Variants in HSD17B12 observed in about 807,000 individuals in gnomAD.
The protein encoded by HSD17B12 is very-long-chain 3-oxoacyl-CoA reductase.
Under a neutral mutation model 39.3 loss-of-function variants are expected in HSD17B12, and 32 were observed. That is an observed-to-expected ratio of 0.81 (90% CI 0.61 to 1.09). The LOEUF is 1.09. HSD17B12 is among the 50% of genes least tolerant of loss of function. The probability of loss-of-function intolerance (pLI) is 0.00; values close to 1 mark genes in which losing one functional copy is unlikely to be tolerated. For synonymous variants in HSD17B12, 150 were observed against 146.7 expected (o/e 1.02, Z -0.16); for missense variants, 342 against 382.9 (o/e 0.89, Z 0.89).
At chr11:43,563,300 G>T in the HSD17B12 span, among the ~76,000 whole-genome samples, 2 of 152,212 alleles carry the variant, frequency 1.3e-5, no homozygotes, top group African/African-American at 4.8e-5. Flanking sequence ...GCTTTTAAAA[G>T]TCCACATTCT....
At chr11:43,716,128 A>T (rs1268921661) in intron 1 of HSD17B12, among the ~76,000 whole-genome samples, 1 of 152,252 alleles carries the variant, frequency 6.6e-6, no homozygotes, top group Admixed American at 6.5e-5. Context: ...CTGACTTTTT[A>T]ACAAACCCGT....
intron 1 of HSD17B12, among the ~76,000 whole-genome samples, chr11:43,706,900 T>C (rs1447766752): frequency 6.6e-6 from 1 of 152,160 alleles, no homozygotes; most frequent in African/African-American, 2.4e-5. Context: ...GGAAAGCTAT[T>C]ATTACAGGTT....
intron 1 of HSD17B12, among the ~76,000 whole-genome samples, chr11:43,683,288 A>T (rs1432757863): frequency 6.6e-6 from 1 of 152,144 alleles, no homozygotes; most frequent in Non-Finnish European, 1.5e-5. Flanking sequence ...GTATTTGTGT[A>T]AGATTTAGAT....
chr11:43,774,137 G>A (rs978204190), intron 3 of HSD17B12, among the ~76,000 whole-genome samples: 3 of 152,126 alleles, frequency 2.0e-5, no homozygotes, highest in Non-Finnish European at 2.9e-5. Flanking sequence ...ACGCTGTAGG[G>A]CAAGCTCAGG....
intron 2 of HSD17B12, among the ~76,000 whole-genome samples, chr11:43,753,537 T>G (rs1161810170): frequency 6.7e-6 from 1 of 150,224 alleles, no homozygotes; most frequent in African/African-American, 2.4e-5. Flanking sequence ...TACAGGCATG[T>G]GCCACCACAC....
rs749103539 is a variant in HSD17B12, at chr11:43,815,474, C to T, written c.429C>T (p.Tyr143=). The change falls in exon 5 of 11, where the codon TAC becomes TAT. Residue 143 remains tyrosine (Y), a synonymous_variant. Transcript: ENST00000278353. The part of the protein sequence containing the change: ...NVGMSYEYPE[Y]FLDVPDLDNV... ...GAATGTCGTATGAGTATCCTGAATA[C>T]TTTTTGGATGTTCCTGACTTGGACA... 2 of 1,580,408 alleles carry T rather than the reference C, an allele frequency of 1.3e-6. No individual in the cohort carries two copies. Among genetic ancestry groups the T allele is most frequent in the Non-Finnish European group, 1.7e-6 (2 of 1,156,498 alleles).
intron 3 of HSD17B12, among the ~76,000 whole-genome samples, chr11:43,764,096 T>C (rs763603928): frequency 3.9e-5 from 6 of 152,130 alleles, no homozygotes; most frequent in Non-Finnish European, 1.5e-5. Flanking sequence ...ATTTTTAAAA[T>C]TAAAGTTATC....
the HSD17B12 span, among the ~76,000 whole-genome samples, chr11:43,573,573 CT>C: frequency 6.6e-6 from 1 of 152,172 alleles, no homozygotes; most frequent in African/African-American, 2.4e-5. Flanking sequence ...CGCTACCTTA[CT>C]TGTTAGGACT....
At chr11:43,750,361 G>C (rs1297234996) in intron 1 of HSD17B12, among the ~76,000 whole-genome samples, 2 of 151,984 alleles carry the variant, frequency 1.3e-5, no homozygotes, top group Non-Finnish European at 2.9e-5. Context: ...TTCATGTTTT[G>C]CATATATCAG....
At chr11:43,801,940 C>A (rs1250026252) in intron 4 of HSD17B12, among the ~76,000 whole-genome samples, 1 of 151,718 alleles carries the variant, frequency 6.6e-6, no homozygotes, top group Non-Finnish European at 1.5e-5. Context: ...TTTCTAATAG[C>A]CACATTTTTT....
chr11:43,626,822 A>G, the HSD17B12 span, among the ~76,000 whole-genome samples: 1 of 152,026 alleles, frequency 6.6e-6, no homozygotes, highest in African/African-American at 2.4e-5. Context: ...TATGGGTTTA[A>G]AAAAGATATT....
the HSD17B12 span, among the ~76,000 whole-genome samples, chr11:43,601,480 T>C: frequency 6.6e-6 from 1 of 150,390 alleles, no homozygotes; most frequent in Non-Finnish European, 1.5e-5. Context: ...GTTTTTTCCT[T>C]GGGGTCTACA....
intron 1 of HSD17B12, among the ~76,000 whole-genome samples, chr11:43,736,808 A>C (rs1343644514): frequency 6.6e-6 from 1 of 152,178 alleles, no homozygotes; most frequent in African/African-American, 2.4e-5. Context: ...GCGTGTGTTA[A>C]GACTACGTTA....
At chr11:43,836,740 C>G (rs549484246) in intron 7 of HSD17B12, among the ~76,000 whole-genome samples, 40 of 152,154 alleles carry the variant, frequency 2.6e-4, no homozygotes, top group African/African-American at 9.6e-4. Flanking sequence ...AGGAATTTCT[C>G]AGAAATATAG....
At chr11:43,811,800 G>C (rs1197627649) in intron 4 of HSD17B12, among the ~76,000 whole-genome samples, 1 of 151,900 alleles carries the variant, frequency 6.6e-6, no homozygotes, top group Non-Finnish European at 1.5e-5. Context: ...CTCTGCTATT[G>C]AACATTAGAA....
intron 1 of HSD17B12, chr11:43,681,253 T>G (rs997695985): frequency 7.9e-6 from 7 of 889,794 alleles, no homozygotes; most frequent in Non-Finnish European, 1.0e-5. Flanking sequence ...AAAACTGCCT[T>G]AAGTCTCTGG....
the HSD17B12 span, among the ~76,000 whole-genome samples, chr11:43,606,732 A>G: frequency 6.6e-6 from 1 of 152,236 alleles, no homozygotes; most frequent in Admixed American, 6.5e-5. Flanking sequence ...TTCTTTAAGC[A>G]AATTGGGATA....
At chr11:43,602,505 C>T in the HSD17B12 span, among the ~76,000 whole-genome samples, 1 of 152,096 alleles carries the variant, frequency 6.6e-6, no homozygotes, top group African/African-American at 2.4e-5. Context: ...AATGTAAACT[C>T]CATGAGAGCA....
In HSD17B12 at chr11:43,734,739, T is replaced by TGG. The variant is rs367772189; in HGVS notation, c.161-16166_161-16165dup. ...TCAGAAACCCCATCCCCCCAAAAAATGGGGGGGCAGGGTTAAAAGAAATTC... is the reference window on the plus strand; with the variant it reads ...TCAGAAACCCCATCCCCCCAAAAAATGGGGGGGGGCAGGGTTAAAAGAAATTC... On this transcript the variant is annotated intron_variant, in intron 1 of 10. Transcript: ENST00000278353. Among the ~76,000 whole-genome samples, 592 of 152,202 alleles carry TGG rather than the reference T, an allele frequency of 3.9e-3. 6 individuals carry two copies. In the East Asian group the frequency reaches 0.044, roughly 11 times the overall value.
Sources: allele counts gnomAD v4.1 joint callset (sites outside exome capture counted in the v4.1 genomes callset), GRCh38; gene constraint gnomAD v4.1.1; transcripts MANE v1.5; gene names NCBI Gene and HGNC (gene_info 2026-07-23, HGNC 2026-07-21).